The following COBL variants were observed in gnomAD, a reference collection of about 807,000 sequenced individuals.
COBL encodes the protein protein cordon-bleu.
A neutral mutation model predicts 98.8 loss-of-function variants in COBL; 51 were observed. That is an observed-to-expected ratio of 0.52 (90% CI 0.41 to 0.65). The LOEUF is 0.65. Ranked by LOEUF, COBL falls within the 30% of genes least tolerant of loss-of-function variation. The probability of loss-of-function intolerance (pLI) is 0.00; values close to 1 mark genes in which losing one functional copy is unlikely to be tolerated. For synonymous variants in COBL, 634 were observed against 651.7 expected, an observed-to-expected ratio of 0.97 and a Z score of 0.41; for missense variants, 1,617 against 1,617.5, an observed-to-expected ratio of 1.00 and a Z score of 0.01.
chr7:51,059,103 C>T (rs1323079747), intron 7 of COBL, among the ~76,000 whole-genome samples: 1 of 152,220 alleles, frequency 6.6e-6, no homozygotes, highest in Non-Finnish European at 1.5e-5. Flanking sequence ...CCCTGTGCTG[C>T]CACGGTAGGC....
intron 3 of COBL, among the ~76,000 whole-genome samples, chr7:51,191,916 G>A (rs898776220): frequency 1.3e-5 from 2 of 152,170 alleles, no homozygotes; most frequent in East Asian, 1.9e-4. Context: ...TCCAGCCTGC[G>A]TACCAGGGCC....
intron 7 of COBL, among the ~76,000 whole-genome samples, chr7:51,058,783 C>A (rs536980159): frequency 6.6e-6 from 1 of 152,202 alleles, no homozygotes; most frequent in Non-Finnish European, 1.5e-5. Context: ...AGCCTCTGAG[C>A]GTGGGCTGTT....
intron 1 of COBL, among the ~76,000 whole-genome samples, chr7:51,232,416 G>T (rs1030544254): frequency 1.3e-5 from 2 of 152,080 alleles, no homozygotes; most frequent in South Asian, 4.2e-4. Flanking sequence ...GGTGAAAATG[G>T]AGCCACACTG....
At chr7:51,031,821 G>A (rs375769765) in intron 8 of COBL, 1 of 152,324 alleles carries the variant, frequency 6.6e-6, no homozygotes, top group East Asian at 1.9e-4. Flanking sequence ...GTACTCCCTA[G>A]AATCTTGAAC....
intron 1 of COBL, among the ~76,000 whole-genome samples, chr7:51,310,307 T>C (rs964413885): frequency 6.6e-6 from 1 of 152,204 alleles, no homozygotes; most frequent in Non-Finnish European, 1.5e-5. Flanking sequence ...GCCTGCAGGC[T>C]GCGTGGAGAA....
intron 1 of COBL, among the ~76,000 whole-genome samples, chr7:51,314,877 A>C (rs1053151951): frequency 1.3e-5 from 2 of 152,202 alleles, no homozygotes; most frequent in African/African-American, 2.4e-5. Context: ...AGCCCTGAGA[A>C]GGCCAGCCCT....
intron 7 of COBL, among the ~76,000 whole-genome samples, chr7:51,045,959 A>G (rs1789645617): frequency 6.6e-6 from 1 of 152,194 alleles, no homozygotes; most frequent in Admixed American, 6.5e-5. Context: ...CCTTTTGCCC[A>G]GGCCAGCCCT....
chr7:51,232,183 T>C (rs538943740), intron 1 of COBL, among the ~76,000 whole-genome samples: 10 of 152,222 alleles, frequency 6.6e-5, no homozygotes, highest in African/African-American at 2.4e-4. Flanking sequence ...TAATCCATTC[T>C]ACAAACCACT....
chr7:51,293,305 G>C (rs979913240), intron 1 of COBL, among the ~76,000 whole-genome samples: 2 of 152,140 alleles, frequency 1.3e-5, no homozygotes, highest in African/African-American at 4.8e-5. Flanking sequence ...AACTATAAAT[G>C]AATGTTCATA....
Position 51,240,833 on chromosome 7 carries a change from G to A in COBL, c.42-20889C>T, listed in dbSNP as rs144267085. On this transcript the variant is annotated intron_variant, in intron 1 of 12. Transcript: ENST00000265136. ...GCTGGGATTACAGGCATGAACCACC[G>A]TGCCCAGCCTACTATTATTTTAAAT... Among the ~76,000 whole-genome samples, 1,101 of 152,212 alleles carry A rather than the reference G, an allele frequency of 7.2e-3. 15 individuals carry two copies. Among genetic ancestry groups the A allele is most frequent in the African/African-American group, 0.025 (1,046 of 41,512 alleles).
At chr7:51,087,630 C>T (rs1371383173) in intron 6 of COBL, among the ~76,000 whole-genome samples, 2 of 151,882 alleles carry the variant, frequency 1.3e-5, no homozygotes, top group African/African-American at 2.4e-5. Context: ...ACTGCCACCA[C>T]GCCGGGCTAA....
At chr7:51,024,339 A>C (rs1787283820) in intron 12 of COBL, among the ~76,000 whole-genome samples, 1 of 152,084 alleles carries the variant, frequency 6.6e-6, no homozygotes, top group Admixed American at 6.5e-5. Flanking sequence ...AAATAAAATA[A>C]TAAAATAAAA....
intron 5 of COBL, among the ~76,000 whole-genome samples, chr7:51,158,381 G>A (rs779365976): frequency 1.8e-4 from 28 of 152,166 alleles, no homozygotes; most frequent in Non-Finnish European, 3.4e-4. Flanking sequence ...GGGCAGGGTC[G>A]GGGAGGAGCC....
At chr7:51,223,131 G>C (rs1266716789) in intron 1 of COBL, among the ~76,000 whole-genome samples, 2 of 152,214 alleles carry the variant, frequency 1.3e-5, no homozygotes, top group African/African-American at 4.8e-5. Flanking sequence ...ACTTTGCTCG[G>C]GGCACGCACT....
intron 5 of COBL, among the ~76,000 whole-genome samples, chr7:51,161,163 A>G (rs948389965): frequency 2.6e-5 from 4 of 152,304 alleles, no homozygotes; most frequent in South Asian, 2.1e-4. Context: ...GAGCTTTTCC[A>G]GGCCCAGAAA....
chr7:51,284,014 G>A (rs542308519), intron 1 of COBL, among the ~76,000 whole-genome samples: 39 of 151,680 alleles, frequency 2.6e-4, no homozygotes, highest in Non-Finnish European at 3.5e-4. Flanking sequence ...GGCTGGGCAC[G>A]GTGGCTCATG....
intron 2 of COBL, among the ~76,000 whole-genome samples, chr7:51,212,692 C>T (rs1792571174): frequency 1.3e-5 from 2 of 152,216 alleles, no homozygotes; most frequent in African/African-American, 2.4e-5. Flanking sequence ...GCGTACTCAT[C>T]GAGTATCCCT....
At chr7:51,219,566 A>C (rs1455707677) in intron 2 of COBL, among the ~76,000 whole-genome samples, 175 bp downstream of exon 2, 1 of 152,196 alleles carries the variant, frequency 6.6e-6, no homozygotes, top group African/African-American at 2.4e-5. Flanking sequence ...ACCCCAGGTA[A>C]GACAGACAGT....
chr7:51,247,104 A>G (rs1009876285), intron 1 of COBL, among the ~76,000 whole-genome samples: 1 of 152,200 alleles, frequency 6.6e-6, no homozygotes, highest in Non-Finnish European at 1.5e-5. Flanking sequence ...GCACCCTTCC[A>G]TGCCCAAGGC....
Sources: allele counts gnomAD v4.1 joint callset (sites outside exome capture counted in the v4.1 genomes callset), GRCh38; gene constraint gnomAD v4.1.1; transcripts MANE v1.5; gene names NCBI Gene and HGNC (gene_info 2026-07-23, HGNC 2026-07-21).